Variants in MYH10 observed in about 807,000 individuals in gnomAD.
MYH10 encodes the protein myosin-10.
MYH10 carries 55 observed loss-of-function variants against 257.8 expected under a neutral mutation model. The ratio of observed to expected loss-of-function variants is 0.21; its 90% CI spans 0.17 to 0.27. The LOEUF (loss-of-function observed/expected upper bound fraction) is 0.27. Among genes scored for constraint, MYH10 ranks in the 10% least tolerant of loss-of-function variants. MYH10 has a pLI of 1.00. For missense variants in MYH10, 1,631 were observed against 2,500.6 expected (o/e 0.65, Z 7.42); for synonymous variants, 854 against 921.7 (o/e 0.93, Z 1.33).
rs1242574514 is a variant in MYH10 at position 8,484,214 on chromosome 17, T to C, written c.5099A>G (p.Asp1700Gly). The C allele has an allele frequency of 6.2e-7, 1 of 1,613,058 alleles. No homozygotes were observed. The highest frequency in any genetic ancestry group is 1.3e-5 in the African/African-American group (1 of 75,002). The change falls in exon 37 of 43, where the codon GAT becomes GGT. Residue 1700 changes from aspartate to glycine, a missense_variant. By Grantham distance (94) the Asp-to-Gly change is moderately conservative. Around this residue, in one of 11 missense-constraint regions of MYH10, gnomAD observed 463 missense variants for 621.8 expected, o/e 0.74. Coordinates refer to ENST00000360416, the MANE Select transcript of MYH10 (RefSeq NM_001256012.3). Reference protein sequence around the residue: ...RELEEARASRDEIFAQSKESE... With the variant: ...RELEEARASRGEIFAQSKESE... ...CTCTTTGGATTGAGCAAAAATCTCA[T>C]CTCTGGATGCACGAGCTTCTTCTAA...
chr17:8,526,908 AATGTT>A (rs2081865307), intron 17 of MYH10, among the ~76,000 whole-genome samples: 1 of 152,220 alleles, frequency 6.6e-6, no homozygotes. Context: ...AAACCTATTT[AATGTT>A]AATTTCAACA....
chr17:8,550,841 C>T (rs558118799), intron 9 of MYH10, among the ~76,000 whole-genome samples: 2,640 of 151,932 alleles, frequency 0.017, 72 homozygotes, highest in African/African-American at 0.058. Flanking sequence ...GAGACCTTAC[C>T]CCCAACCCTG....
chr17:8,548,216 A>G, intron 11 of MYH10, 97 bp downstream of exon 11: 1 of 829,130 alleles, frequency 1.2e-6, no homozygotes, highest in Non-Finnish European at 1.9e-6. Context: ...CCCTTCAGAA[A>G]TGCTTCAGAG....
chr17:8,512,523 A>T lies in MYH10; in HGVS notation c.2880T>A (p.Ser960=), dbSNP rs2081335563. The T allele has an allele frequency of 1.2e-6, 2 of 1,613,756 alleles. No homozygotes were observed. The highest frequency in any genetic ancestry group is 1.7e-6 in the Non-Finnish European group (2 of 1,179,988). ...ELEEILHDLE[S]RVEEEEERNQ... is the part of the protein sequence containing the mutation. Reference sequence around the variant, plus strand: ...TTCTTTCTTCTTCTTCTTCAACCCTAGACTCCAAGTCATGTAGAATCTCTT... The same window carrying T: ...TTCTTTCTTCTTCTTCTTCAACCCTTGACTCCAAGTCATGTAGAATCTCTT... The change falls in exon 24 of 43, where the codon TCT becomes TCA. Residue 960 remains serine, a synonymous_variant. Transcript: ENST00000360416.
chr17:8,585,063 G>A (rs1323328498), intron 4 of MYH10, among the ~76,000 whole-genome samples: 2 of 151,614 alleles, frequency 1.3e-5, no homozygotes, highest in Admixed American at 6.6e-5. Context: ...GGCTGGTTGC[G>A]AACTCCCAGC....
intron 21 of MYH10, 61 bp from the exon 22 acceptor site, chr17:8,513,955 A>T: frequency 7.1e-7 from 1 of 1,402,112 alleles, no homozygotes; most frequent in Non-Finnish European, 9.9e-7. Flanking sequence ...GGCTGTTGTC[A>T]TAAGAAGCCT....
rs7225488 is a variant in MYH10, at chr17:8,506,291, G to A, written c.3386+27C>T. 2.3e-4 allele frequency: 354 copies of A among 1,553,950 alleles called. No homozygotes were observed. The highest frequency in any genetic ancestry group is 3.3e-4 in the Admixed American group (15 of 44,810). ...CTGAAACTCAGCCCCATGGGCTCCC[G>A]TGCAGCGCAGCTGCTGGGCTGCAGA... On this transcript the variant is annotated intron_variant, in intron 27 of 42. Transcript: ENST00000360416. This position sits in a 1 kb window ranked among gnomAD's most constrained non-coding sequence, Gnocchi z 5.0.
intron 10 of MYH10, 45 bp from the exon 11 acceptor site, chr17:8,548,453 A>C: frequency 1.4e-6 from 2 of 1,463,112 alleles, no homozygotes; most frequent in Non-Finnish European, 1.9e-6. Flanking sequence ...TTGCCTCAAA[A>C]TGTAGCGGAG....
chr17:8,541,895 G>T (rs1456888946), intron 14 of MYH10, among the ~76,000 whole-genome samples: 1 of 152,208 alleles, frequency 6.6e-6, no homozygotes, highest in African/African-American at 2.4e-5. Context: ...CAGGAATCAA[G>T]CTGCGAGGAG....
rs914144099 is a variant in MYH10, at chr17:8,510,037, C to T, written c.2953-88G>A. On this transcript the variant is annotated intron_variant, in intron 24 of 42. Coordinates refer to ENST00000360416, the MANE Select transcript of MYH10 (RefSeq NM_001256012.3). ...CACAGGAATGCATTACAATGAGATA[C>T]TAATTTTTTTTTTTTTTTTGACACG... is the stretch of plus-strand genomic sequence containing the variant. 4.3e-5 allele frequency: 49 copies of T among 1,128,496 alleles called. 3 individuals carry two copies. The South Asian group carries it at 6.1e-4, about 14-fold the overall frequency. 69.9% of individuals were successfully genotyped at this position (1,128,496 alleles called of 1,614,324 possible). A position where few individuals can be genotyped will look rare whatever the true frequency, so the allele number is the denominator to read the frequency against.
chr17:8,568,864 G>T (rs1179261893), intron 7 of MYH10, among the ~76,000 whole-genome samples: 1 of 151,896 alleles, frequency 6.6e-6, no homozygotes, highest in African/African-American at 2.4e-5. Flanking sequence ...CAGGTGAACA[G>T]GTACAGCTAG....
rs71699225 is a variant in MYH10 at position 8,572,223 on chromosome 17, CCTCT to C, written c.664-2415_664-2412del. ...AATTTTCTATTGGTTCTTTTCTTTTCCTCTCTGTGTGTGTGTGTGTGTGTGTGTG... is the reference window on the plus strand; with the variant it reads ...AATTTTCTATTGGTTCTTTTCTTTTCCTGTGTGTGTGTGTGTGTGTGTGTG... On this transcript the variant is annotated intron_variant, in intron 6 of 42. Transcript: ENST00000360416. 5.3e-4 allele frequency among the ~76,000 whole-genome samples: 76 copies of C among 143,546 alleles called. 1 individual carries two copies. Among genetic ancestry groups the C allele is most frequent in the South Asian group, 4.7e-3 (21 of 4,424 alleles). The allele number at this position is 143,546 out of a possible 152,430, so 94.2% of individuals were successfully genotyped here.
At chr17:8,478,271 G>T in intron 41 of MYH10, 67 bp downstream of exon 41, 1 of 1,349,706 alleles carries the variant, frequency 7.4e-7, no homozygotes, top group Non-Finnish European at 1.1e-6. Flanking sequence ...GGTCAGTTGT[G>T]CCACCAGCTC....
Position 8,545,700 on chromosome 17 carries a change from C to T in MYH10, c.1279-100G>A. The T allele has an allele frequency of 1.7e-6, 2 of 1,175,672 alleles. No individual in the cohort carries two copies. The highest frequency in any genetic ancestry group is 3.1e-5 in the South Asian group (2 of 64,034). The allele number at this position is 1,175,672 out of a possible 1,614,324, so 72.8% of individuals were successfully genotyped here. A position where few individuals can be genotyped will look rare whatever the true frequency, so the allele number is the denominator to read the frequency against. ...TAATGTTATACAGCACTCAAAAAAC[C>T]TGAGATGGCATTCACTGCTTAATCA... On this transcript the variant is annotated intron_variant, in intron 12 of 42. Coordinates refer to ENST00000360416, the MANE Select transcript of MYH10 (RefSeq NM_001256012.3). This position sits in a 1 kb window ranked among gnomAD's most constrained non-coding sequence, Gnocchi z 4.7.
intron 17 of MYH10, among the ~76,000 whole-genome samples, chr17:8,523,036 C>A (rs112706163): frequency 0.019 from 2,839 of 152,236 alleles, 86 homozygotes; most frequent in African/African-American, 0.064. Context: ...GCCTGGGATC[C>A]CAAATCAATT....
At chr17:8,491,229 G>C (rs1915726366) in intron 34 of MYH10, among the ~76,000 whole-genome samples, 1 of 152,180 alleles carries the variant, frequency 6.6e-6, no homozygotes, top group Non-Finnish European at 1.5e-5. Flanking sequence ...GGGAATCCTA[G>C]GACAGGAGGA....
At chr17:8,486,678 A>G (rs1196283499) in intron 36 of MYH10, among the ~76,000 whole-genome samples, 1 of 152,046 alleles carries the variant, frequency 6.6e-6, no homozygotes, top group Non-Finnish European at 1.5e-5. Context: ...GTATGTGAAA[A>G]TGTATACACA....
intron 2 of MYH10, among the ~76,000 whole-genome samples, chr17:8,606,480 C>T (rs2084812302): frequency 6.6e-6 from 1 of 152,146 alleles, no homozygotes; most frequent in Non-Finnish European, 1.5e-5. Flanking sequence ...TACTGTATGG[C>T]CAGCTTCCCC....
At chr17:8,508,746 T>C in intron 25 of MYH10, 69 bp from the exon 26 acceptor site, 5 of 1,585,596 alleles carry the variant, frequency 3.2e-6, no homozygotes, top group Non-Finnish European at 4.3e-6. Flanking sequence ...GTATTCCTCA[T>C]AAAGGTCAAC....
Sources: gnomAD v4.1 joint callset for allele counts (sites outside exome capture counted in the v4.1 genomes callset) on GRCh38, gnomAD v4.1.1 for gene constraint, gnomAD v4.1.1 regional missense constraint, Gnocchi (gnomAD v3.1) non-coding constraint, MANE v1.5 for transcripts, NCBI Gene and HGNC (gene_info 2026-07-23, HGNC 2026-07-21) for gene names.